CAP2: variants seen among roughly 807,000 people sequenced by gnomAD.
CAP2 encodes the protein cyclase associated actin cytoskeleton regulatory protein 2, also known as adenylyl cyclase-associated protein 2.
CAP2 carries 24 observed loss-of-function variants against 57.7 expected under a neutral mutation model. The ratio of observed to expected loss-of-function variants is 0.42; its 90% CI spans 0.30 to 0.58. CAP2 has a LOEUF of 0.58. Ranked by LOEUF, CAP2 falls within the 20% of genes least tolerant of loss-of-function variation. The pLI, the probability that CAP2 is intolerant of heterozygous loss-of-function variation, is 0.22. For missense variants in CAP2, 501 were observed against 590.3 expected, an observed-to-expected ratio of 0.85 and a Z score of 1.57; for synonymous variants, 194 against 207.2, an observed-to-expected ratio of 0.94 and a Z score of 0.55.
intron 4 of CAP2, among the ~76,000 whole-genome samples, chr6:17,495,788 A>G (rs1408050280): frequency 6.6e-6 from 1 of 152,108 alleles, no homozygotes; most frequent in East Asian, 1.9e-4. Flanking sequence ...GCTTTTTCAC[A>G]CAAGTTTAGG....
chr6:17,533,974 G>A (rs1762711136), intron 7 of CAP2, among the ~76,000 whole-genome samples: 1 of 152,064 alleles, frequency 6.6e-6, no homozygotes, highest in Admixed American at 6.6e-5. Context: ...TTTCATCAAC[G>A]TAACAAAGTT....
chr6:17,531,759 A>C, intron 7 of CAP2: 2 of 587,598 alleles, frequency 3.4e-6, no homozygotes, highest in Non-Finnish European at 6.0e-6. Context: ...CCCATGCTTA[A>C]AGCCCTTCAG....
Position 17,426,570 on chromosome 6 carries a change from A to G in CAP2, c.122-20A>G. 6.3e-7 allele frequency: 1 copy of G among 1,587,874 alleles called. No homozygotes were observed. The highest frequency in any genetic ancestry group is 8.6e-7 in the Non-Finnish European group (1 of 1,156,318). ...TTTCATTCAACGGCCAGGGAATAAC[A>G]AACTGCTCCTTTCCCCAAGGTGTGG... is the stretch of plus-strand genomic sequence containing the variant. On this transcript the variant is annotated intron_variant, in intron 2 of 12. Transcript: ENST00000229922.
intron 4 of CAP2, among the ~76,000 whole-genome samples, chr6:17,496,491 C>T (rs567289723): frequency 5.6e-4 from 85 of 150,918 alleles, no homozygotes; most frequent in African/African-American, 1.5e-3. Context: ...GTTTTTTTTT[C>T]TTTCTTTCTT....
chr6:17,437,851 A>G (rs898909045), intron 3 of CAP2, among the ~76,000 whole-genome samples: 3 of 151,940 alleles, frequency 2.0e-5, no homozygotes, highest in African/African-American at 7.3e-5. Flanking sequence ...CACTCGGTCC[A>G]ACCTGGGCAA....
At chr6:17,489,843 T>G (rs1048325797) in intron 4 of CAP2, among the ~76,000 whole-genome samples, 2 of 152,066 alleles carry the variant, frequency 1.3e-5, no homozygotes, top group South Asian at 2.1e-4. Flanking sequence ...AGGTCCATCA[T>G]GATAGTTGTG....
At chr6:17,491,420 T>C (rs1761539639) in intron 4 of CAP2, among the ~76,000 whole-genome samples, 1 of 152,242 alleles carries the variant, frequency 6.6e-6, no homozygotes, top group Admixed American at 6.5e-5. Flanking sequence ...ATCCATGATA[T>C]GCTTTTTCTT....
intron 7 of CAP2, among the ~76,000 whole-genome samples, chr6:17,538,305 A>G (rs2113696599): frequency 6.6e-6 from 1 of 152,116 alleles, no homozygotes; most frequent in Middle Eastern, 3.4e-3. Context: ...AAAAATTAAA[A>G]ATTAGCCAGT....
chr6:17,523,948 C>T (rs1762443643), intron 7 of CAP2, among the ~76,000 whole-genome samples: 1 of 152,050 alleles, frequency 6.6e-6, no homozygotes, highest in Non-Finnish European at 1.5e-5. Context: ...GTGACGCATG[C>T]CTGTAGTCCC....
In CAP2 at chr6:17,544,137, AG is replaced by A. The variant is rs68136865; in HGVS notation, c.1209+995del. On this transcript the variant is annotated intron_variant, in intron 11 of 12. Coordinates refer to ENST00000229922, the MANE Select transcript of CAP2 (RefSeq NM_006366.3). ...GAGACTCTGTCTCAAAAAAAAAAAA[AG>A]AAAAGAAAAAAAGGACAGCTATGTA... 1.1e-3 allele frequency among the ~76,000 whole-genome samples: 170 copies of A among 148,146 alleles called. 27 individuals are homozygous for A. Among genetic ancestry groups the A allele is most frequent in the African/African-American group, 1.6e-3 (67 of 40,736 alleles).
intron 1 of CAP2, among the ~76,000 whole-genome samples, chr6:17,400,465 A>G (rs1270265272): frequency 6.6e-6 from 1 of 152,212 alleles, no homozygotes; most frequent in Non-Finnish European, 1.5e-5. Context: ...GATAGAATGA[A>G]TAGAAGATGA....
chr6:17,523,246 T>C (rs1262389778), intron 7 of CAP2, among the ~76,000 whole-genome samples: 1 of 151,996 alleles, frequency 6.6e-6, no homozygotes, highest in African/African-American at 2.4e-5. Context: ...ACAAGGGACA[T>C]AAAATCTAAC....
chr6:17,433,915 A>G (rs1483367607), intron 3 of CAP2, among the ~76,000 whole-genome samples: 5 of 152,112 alleles, frequency 3.3e-5, no homozygotes, highest in African/African-American at 1.2e-4. Context: ...TCCTAATTTC[A>G]CAAACACACT....
chr6:17,495,224 G>C (rs1761635429), intron 4 of CAP2, among the ~76,000 whole-genome samples: 1 of 152,184 alleles, frequency 6.6e-6, no homozygotes, highest in African/African-American at 2.4e-5. Flanking sequence ...GGACATCAGA[G>C]TGCTGTCTGT....
At chr6:17,395,803 A>T (rs932727908) in intron 1 of CAP2, among the ~76,000 whole-genome samples, 1 of 152,212 alleles carries the variant, frequency 6.6e-6, no homozygotes, top group African/African-American at 2.4e-5. Flanking sequence ...TCAACTGAAC[A>T]CCTGTGAACC....
intron 4 of CAP2, among the ~76,000 whole-genome samples, chr6:17,474,181 C>T (rs1581549528): frequency 8.1e-6 from 1 of 123,616 alleles, no homozygotes; most frequent in Middle Eastern, 4.2e-3. Context: ...AGGAAAAAAA[C>T]AGTCTTTTTT....
intron 3 of CAP2, among the ~76,000 whole-genome samples, chr6:17,462,172 G>C (rs1760748522): frequency 6.6e-6 from 1 of 151,846 alleles, no homozygotes; most frequent in Non-Finnish European, 1.5e-5. Flanking sequence ...TCCAGGTGGG[G>C]CCCCCTCTAC....
At chr6:17,438,090 A>G (rs965654926) in intron 3 of CAP2, among the ~76,000 whole-genome samples, 2 of 145,580 alleles carry the variant, frequency 1.4e-5, no homozygotes, top group Non-Finnish European at 3.0e-5. Flanking sequence ...ATTGCTGGCC[A>G]GGCGTGGTGG....
rs756871959 is a variant in CAP2 at position 17,426,603 on chromosome 6, C to A, written c.135C>A (p.Ser45=). 6.2e-7 allele frequency: 1 copy of A among 1,613,500 alleles called. No individual in the cohort carries two copies. Among genetic ancestry groups the A allele is most frequent in the Non-Finnish European group, 8.5e-7 (1 of 1,179,480 alleles). ...CCTTTCCCCAAGGTGTGGCACCCTC[C>A]GTGGAAGCCTTTGACAAGCTGATGG... is the stretch of plus-strand genomic sequence containing the variant. ...VNGVIAGVAP[S]VEAFDKLMDS... The change falls in exon 3 of 13, where the codon TCC becomes TCA. Residue 45 remains serine (S), a synonymous_variant. Transcript: ENST00000229922.
Sources: gnomAD v4.1 joint callset for allele counts (sites outside exome capture counted in the v4.1 genomes callset) on GRCh38, gnomAD v4.1.1 for gene constraint, MANE v1.5 for transcripts, NCBI Gene and HGNC (gene_info 2026-07-23, HGNC 2026-07-21) for gene names.